CSMD1: variants seen among roughly 807,000 people sequenced by gnomAD.
CSMD1 encodes CUB and Sushi multiple domains 1.
In CSMD1, 213 loss-of-function variants were observed where a neutral mutation model predicts 417.5. The ratio of observed to expected loss-of-function variants is 0.51; its 90% CI spans 0.46 to 0.57. The LOEUF is 0.57. Ranked by LOEUF, CSMD1 falls within the 20% of genes least tolerant of loss-of-function variation. The pLI, the probability that CSMD1 is intolerant of heterozygous loss-of-function variation, is 0.00. For missense variants in CSMD1, 6,923 were observed against 4,529.7 expected, an observed-to-expected ratio of 1.53 and a Z score of -15.17; for synonymous variants, 2,862 against 1,736.8, an observed-to-expected ratio of 1.65 and a Z score of -16.11.
At chr8:4,293,079 T>C (rs1797462921) in intron 3 of CSMD1, among the ~76,000 whole-genome samples, 1 of 152,122 alleles carries the variant, frequency 6.6e-6, no homozygotes, top group Non-Finnish European at 1.5e-5. Context: ...AGTAGAACCA[T>C]GCACTGCACA....
chr8:3,980,191 A>G (rs1016205451), intron 5 of CSMD1, among the ~76,000 whole-genome samples: 4 of 152,218 alleles, frequency 2.6e-5, no homozygotes, highest in African/African-American at 7.2e-5. Flanking sequence ...ATCACTTTTC[A>G]CAATCAAAAT....
In CSMD1 at chr8:3,476,420, C is replaced by G. The variant is rs1242067342; in HGVS notation, c.1449-7596G>C. On this transcript the variant is annotated intron_variant, in intron 11 of 69. Transcript: ENST00000635120. Reference sequence around the variant, plus strand: ...TGAATAGAGTTACTATAAACATTCACATGGTATAAAATTTTTCTAGGGTAA... The same window carrying G: ...TGAATAGAGTTACTATAAACATTCAGATGGTATAAAATTTTTCTAGGGTAA... Among the ~76,000 whole-genome samples, 5 of 152,224 alleles carry G rather than the reference C, an allele frequency of 3.3e-5. No homozygotes were observed. The East Asian group carries it at 9.7e-4, about 29-fold the overall frequency.
At position 4,495,628 on chromosome 8, in the gene CSMD1, G is replaced by C. The variant is rs556611892; in HGVS notation, c.303-75563C>G. ...TTAGGGCACAAATATTAAAATGTAT[G>C]CTGCAGACCTTGTGGAAGAATAGAT... is the stretch of plus-strand genomic sequence containing the variant. On this transcript the variant is annotated intron_variant, in intron 2 of 69. Transcript: ENST00000635120. 2.0e-5 allele frequency among the ~76,000 whole-genome samples: 3 copies of C among 152,116 alleles called. No individual in the cohort carries two copies. The East Asian group carries it at 5.8e-4, about 29-fold the overall frequency.
chr8:4,342,205 CTGTGTGTGTGTGTGTGTGTGTGTGTG>C (rs58235838), intron 3 of CSMD1, among the ~76,000 whole-genome samples: 1 of 150,576 alleles, frequency 6.6e-6, no homozygotes, highest in African/African-American at 2.4e-5. Flanking sequence ...AGTGCTGTGT[CTGTGTGTGTGTGTGTGTGTGTGTGTG>C]TCTGTGTGTG....
intron 5 of CSMD1, among the ~76,000 whole-genome samples, chr8:3,814,828 C>A (rs1054022379): frequency 2.6e-5 from 4 of 152,118 alleles, no homozygotes; most frequent in African/African-American, 7.2e-5. Flanking sequence ...AACTCCAGTA[C>A]CATGAAGAAG....
At position 3,369,368 on chromosome 8, in the gene CSMD1, G is replaced by A. The variant is rs768811613; in HGVS notation, c.2785C>T (p.Leu929=). 4 of 1,470,906 alleles carry A rather than the reference G, an allele frequency of 2.7e-6. No homozygotes were observed. Among genetic ancestry groups the A allele is most frequent in the African/African-American group, 1.4e-5 (1 of 71,864 alleles). The allele number at this position is 1,470,906 out of a possible 1,614,324, so 91.1% of individuals were successfully genotyped here. A position where few individuals can be genotyped will look rare whatever the true frequency, so the allele number is the denominator to read the frequency against. ...WNHALPSCDA[L]CGGYIQGKSG... Reference sequence around the variant, plus strand: ...TTCCCTTGGATGTAGCCTCCACATAGAGCTTAAAATAATAAAGAGAGATGA... The same window carrying A: ...TTCCCTTGGATGTAGCCTCCACATAAAGCTTAAAATAATAAAGAGAGATGA... The change falls in exon 19 of 70, where the codon CTA becomes TTA. Residue 929 remains leucine, a splice_region_variant and synonymous_variant. Transcript: ENST00000635120.
intron 2 of CSMD1, among the ~76,000 whole-genome samples, chr8:4,435,042 G>A (rs968037930): frequency 5.9e-5 from 9 of 152,092 alleles, no homozygotes; most frequent in African/African-American, 1.7e-4. Flanking sequence ...ACTGTTGAAT[G>A]TCTAATATAG....
chr8:2,988,885 G>C (rs1806150615), intron 54 of CSMD1, among the ~76,000 whole-genome samples: 1 of 152,132 alleles, frequency 6.6e-6, no homozygotes, highest in Admixed American at 6.5e-5. Flanking sequence ...GGATGTTGTA[G>C]AAATCTGTGT....
chr8:4,558,631 C>T (rs938339341), intron 2 of CSMD1, among the ~76,000 whole-genome samples: 2 of 152,134 alleles, frequency 1.3e-5, no homozygotes, highest in Admixed American at 1.3e-4. Flanking sequence ...CTTTGGGAGG[C>T]TGAGGCAGCT....
intron 23 of CSMD1, among the ~76,000 whole-genome samples, chr8:3,325,956 C>G (rs1309809893): frequency 6.6e-6 from 1 of 152,102 alleles, no homozygotes; most frequent in Non-Finnish European, 1.5e-5. Context: ...ATTGGCAAAA[C>G]TAAACCTTGC....
At chr8:3,980,998 C>A (rs1298240630) in intron 5 of CSMD1, among the ~76,000 whole-genome samples, 3 of 152,172 alleles carry the variant, frequency 2.0e-5, no homozygotes, top group African/African-American at 7.2e-5. Context: ...GTACCCACAC[C>A]CAGAGGTTCT....
intron 21 of CSMD1, among the ~76,000 whole-genome samples, chr8:3,349,381 TG>T (rs1299450450): frequency 1.3e-5 from 2 of 152,172 alleles, no homozygotes; most frequent in African/African-American, 4.8e-5. Context: ...GATCCATGAT[TG>T]CCCCCCAGTG....
At chr8:3,284,680 A>C in intron 25 of CSMD1, 2 of 266,404 alleles carry the variant, frequency 7.5e-6, no homozygotes, top group East Asian at 8.9e-5. Context: ...CACAAACCAA[A>C]TATAAGCTTG....
intron 5 of CSMD1, among the ~76,000 whole-genome samples, chr8:3,880,681 G>C (rs1200851546): frequency 1.3e-5 from 2 of 152,094 alleles, no homozygotes; most frequent in Admixed American, 1.3e-4. Flanking sequence ...AGAAAGCTTT[G>C]CACACGTTTC....
intron 5 of CSMD1, among the ~76,000 whole-genome samples, chr8:3,826,655 C>A (rs758528254): frequency 6.6e-6 from 1 of 152,162 alleles, no homozygotes; most frequent in Non-Finnish European, 1.5e-5. Flanking sequence ...TTATCTGCAG[C>A]TCGGGCATGG....
rs1554523830 is a variant in CSMD1, at chr8:4,039,053, C to CTAAAA, written c.416-6955_416-6954insTTTTA. On this transcript the variant is annotated intron_variant, in intron 3 of 69. Transcript: ENST00000635120. ...CCAAAAGAAAAGTGAAAGCATGATACTACAATACAATATTAATATTCATTA... is the reference window on the plus strand; with the variant it reads ...CCAAAAGAAAAGTGAAAGCATGATACTAAAATACAATACAATATTAATATTCATTA... Among the ~76,000 whole-genome samples the CTAAAA allele has an allele frequency of 9.6e-5, 9 of 93,790 alleles. No individual in the cohort carries two copies. In the South Asian group the frequency reaches 2.2e-3, roughly 23 times the overall value. 61.5% of individuals were successfully genotyped at this position (93,790 alleles called of 152,430 possible).
chr8:3,271,003 G>A (rs1801809274), intron 26 of CSMD1, among the ~76,000 whole-genome samples: 1 of 151,428 alleles, frequency 6.6e-6, no homozygotes, highest in African/African-American at 2.4e-5. Context: ...ATGTATACAT[G>A]TGCCATGCTG....
chr8:4,068,393 T>C (rs997604719), intron 3 of CSMD1, among the ~76,000 whole-genome samples: 2 of 152,172 alleles, frequency 1.3e-5, no homozygotes, highest in African/African-American at 4.8e-5. Context: ...GTGACTTTTA[T>C]TTCACACTGG....
intron 1 of CSMD1, among the ~76,000 whole-genome samples, chr8:4,715,189 G>C (rs1425717432): frequency 6.6e-6 from 1 of 152,070 alleles, no homozygotes; most frequent in African/African-American, 2.4e-5. Context: ...CGCAGAAAAA[G>C]AAAACGAAGA....
Sources: allele counts gnomAD v4.1 joint callset (sites outside exome capture counted in the v4.1 genomes callset), GRCh38; gene constraint gnomAD v4.1.1; transcripts MANE v1.5; gene names NCBI Gene and HGNC (gene_info 2026-07-23, HGNC 2026-07-21).